DPP6: variants seen among roughly 807,000 people sequenced by gnomAD.
DPP6 encodes A-type potassium channel modulatory protein DPP6.
DPP6 carries 69 observed loss-of-function variants against 122.6 expected under a neutral mutation model. That is an observed-to-expected ratio of 0.56 (90% confidence interval 0.46 to 0.69). The LOEUF (loss-of-function observed/expected upper bound fraction) is 0.69, where lower values mean the gene tolerates loss of function less well. Ranked by LOEUF, DPP6 falls within the 30% of genes least tolerant of loss-of-function variation. The pLI is 0.00. For missense variants in DPP6, 928 were observed against 1,116.9 expected (o/e 0.83, Z 2.41); for synonymous variants, 418 against 433.1 (o/e 0.97, Z 0.43).
chr7:154,752,558 G>A (rs972720628), intron 8 of DPP6, among the ~76,000 whole-genome samples: 1 of 152,198 alleles, frequency 6.6e-6, no homozygotes, highest in African/African-American at 2.4e-5. Flanking sequence ...CAGGAAGCTT[G>A]GAGAGGCTGC....
intron 1 of DPP6, among the ~76,000 whole-genome samples, chr7:154,213,395 G>T (rs570927767): frequency 1.3e-5 from 2 of 152,170 alleles, no homozygotes; most frequent in African/African-American, 4.8e-5. Context: ...TCTCTGCCCT[G>T]ACTTAAAGCA....
chr7:154,889,472 A>G lies in DPP6; in HGVS notation c.2393A>G (p.Gln798Arg), dbSNP rs1324120790. The change falls in exon 25 of 26, where the codon CAG (glutamine) becomes CGG (arginine). Residue 798 changes from glutamine (Q) to arginine (R), a missense_variant. Physicochemically the swap from Gln to Arg is conservative, Grantham distance 43. Transcript: ENST00000377770. The part of the protein sequence containing the change: ...HPTADEKIHF[Q>R]HTAELITQLI... ...TTTTGCACAGAAAAAATTCATTTCC[A>G]GCACACAGCAGAACTCATTACACAA... is the stretch of plus-strand genomic sequence containing the variant. 4 of 1,581,728 alleles carry G rather than the reference A, an allele frequency of 2.5e-6. No individual in the cohort carries two copies. Among genetic ancestry groups the G allele is most frequent in the Non-Finnish European group, 3.4e-6 (4 of 1,169,766 alleles).
chr7:153,944,037 T>C (rs1801821576), intron 1 of DPP6, among the ~76,000 whole-genome samples: 2 of 152,170 alleles, frequency 1.3e-5, no homozygotes, highest in Admixed American at 6.5e-5. Flanking sequence ...GCTGTGTTCA[T>C]GGAAATCGGT....
At chr7:153,818,559 G>C in the DPP6 span, among the ~76,000 whole-genome samples, 1 of 152,156 alleles carries the variant, frequency 6.6e-6, no homozygotes, top group Non-Finnish European at 1.5e-5. Flanking sequence ...TAGGTTGCAA[G>C]ATATATTGTA....
intron 1 of DPP6, chr7:154,094,627 G>T (rs1397489097): frequency 1.3e-5 from 2 of 152,124 alleles, no homozygotes; most frequent in Non-Finnish European, 1.5e-5. Flanking sequence ...CAGATTTCCA[G>T]TCTCTGGGTC....
At chr7:154,088,273 G>A in intron 1 of DPP6, among the ~76,000 whole-genome samples, 1 of 150,956 alleles carries the variant, frequency 6.6e-6, no homozygotes, top group East Asian at 1.9e-4. Context: ...GGCTTGGGCT[G>A]CAGTAGCTGC....
chr7:154,241,629 A>G lies in DPP6; in HGVS notation c.243+188566A>G, dbSNP rs376776923. Among the ~76,000 whole-genome samples, 146 of 152,236 alleles carry G rather than the reference A, an allele frequency of 9.6e-4. No individual in the cohort carries two copies. The highest frequency in any genetic ancestry group is 4.6e-3 in the East Asian group (24 of 5,174). Reference sequence around the variant, plus strand: ...AAAATGCCTCCCTATTTATTCTTATATTGATTAATGTATTCTTCCTCAAAA... The same window carrying G: ...AAAATGCCTCCCTATTTATTCTTATGTTGATTAATGTATTCTTCCTCAAAA... On this transcript the variant is annotated intron_variant, in intron 1 of 25. Transcript: ENST00000377770. The surrounding 1 kb of genome is among the most constrained non-coding windows in gnomAD (Gnocchi z 9.0).
chr7:154,681,281 T>G (rs917987808), intron 7 of DPP6, among the ~76,000 whole-genome samples: 1 of 152,216 alleles, frequency 6.6e-6, no homozygotes, highest in Non-Finnish European at 1.5e-5. Flanking sequence ...GTATCATTTC[T>G]TAGGAATAAT....
chr7:154,692,862 G>A (rs184685382), intron 7 of DPP6, among the ~76,000 whole-genome samples: 33 of 150,158 alleles, frequency 2.2e-4, no homozygotes, highest in African/African-American at 7.8e-4. Context: ...GCTCACTGTA[G>A]CCTCAAACTC....
chr7:154,632,681 A>G (rs1034730587), intron 5 of DPP6, among the ~76,000 whole-genome samples: 13 of 152,158 alleles, frequency 8.5e-5, no homozygotes, highest in Non-Finnish European at 1.5e-5. Flanking sequence ...AATTTAGGTT[A>G]CGGTTTAAAA....
chr7:154,372,068 C>T (rs556358230), intron 1 of DPP6, among the ~76,000 whole-genome samples: 6 of 152,050 alleles, frequency 3.9e-5, no homozygotes, highest in African/African-American at 1.2e-4. Flanking sequence ...GAGATGAGAC[C>T]ACCCCCCGGG....
At chr7:154,724,086 T>C (rs1406456928) in intron 7 of DPP6, among the ~76,000 whole-genome samples, 2 of 152,204 alleles carry the variant, frequency 1.3e-5, no homozygotes, top group Non-Finnish European at 2.9e-5. Context: ...GGGATGTTTC[T>C]TTAAAATGCT....
At chr7:154,429,561 T>C (rs1335273374) in intron 1 of DPP6, among the ~76,000 whole-genome samples, 1 of 152,208 alleles carries the variant, frequency 6.6e-6, no homozygotes, top group African/African-American at 2.4e-5. Flanking sequence ...CTCAAGAGGC[T>C]TCGTGAACTC....
intron 5 of DPP6, among the ~76,000 whole-genome samples, chr7:154,590,681 T>C (rs994505857): frequency 2.0e-5 from 3 of 150,020 alleles, no homozygotes; most frequent in Non-Finnish European, 4.4e-5. Flanking sequence ...ATTACAGGCA[T>C]GTGCCACCAC....
chr7:153,823,438 G>C, the DPP6 span, among the ~76,000 whole-genome samples: 2 of 145,998 alleles, frequency 1.4e-5, 1 homozygote, highest in African/African-American at 5.1e-5. Flanking sequence ...CTCTAAGCGG[G>C]GGGATGAAGA....
At chr7:153,921,896 G>A (rs1328165037) in intron 1 of DPP6, among the ~76,000 whole-genome samples, 2 of 152,238 alleles carry the variant, frequency 1.3e-5, no homozygotes, top group Non-Finnish European at 2.9e-5. Flanking sequence ...TGAGGAGCAG[G>A]CTCTGGCCAA....
intron 3 of DPP6, among the ~76,000 whole-genome samples, chr7:154,538,551 G>A (rs922958100): frequency 2.6e-5 from 4 of 152,116 alleles, no homozygotes; most frequent in African/African-American, 9.7e-5. Flanking sequence ...TCGTGAGGGG[G>A]TGTCAAAGGT....
rs944337305 is a variant in DPP6 at position 154,892,960 on chromosome 7, T to C, written c.*480T>C. On this transcript the variant is annotated 3_prime_UTR_variant, in exon 26 of 26. Transcript: ENST00000377770. Reference sequence around the variant, plus strand: ...CCATTGTTTTAGCAGTGCGTGTTCATATATGGGCTTGCTACTTCCTGTAAT... The same window carrying C: ...CCATTGTTTTAGCAGTGCGTGTTCACATATGGGCTTGCTACTTCCTGTAAT... 1 of 518,654 alleles carries C rather than the reference T, an allele frequency of 1.9e-6. No individual in the cohort carries two copies. The highest frequency in any genetic ancestry group is 1.9e-5 in the African/African-American group (1 of 52,008). The allele number at this position is 518,654 out of a possible 1,614,324, so 32.1% of individuals were successfully genotyped here.
chr7:154,850,338 C>T (rs1194772724), intron 16 of DPP6, among the ~76,000 whole-genome samples: 3 of 151,994 alleles, frequency 2.0e-5, no homozygotes, highest in Admixed American at 2.0e-4. Flanking sequence ...ATATGATTTG[C>T]CAGTATTTTG....
Sources: gnomAD v4.1 joint callset for allele counts (sites outside exome capture counted in the v4.1 genomes callset) on GRCh38, gnomAD v4.1.1 for gene constraint, Gnocchi (gnomAD v3.1) non-coding constraint, MANE v1.5 for transcripts, NCBI Gene and HGNC (gene_info 2026-07-23, HGNC 2026-07-21) for gene names.